FBN3: variants seen among roughly 807,000 people sequenced by gnomAD.
FBN3 encodes fibrillin 3.
A neutral mutation model predicts 330.1 loss-of-function variants in FBN3; 234 were observed. The ratio of observed to expected loss-of-function variants is 0.71; its 90% CI spans 0.64 to 0.79. The LOEUF (loss-of-function observed/expected upper bound fraction) is 0.79. Ranked by LOEUF, FBN3 falls within the 30% of genes least tolerant of loss-of-function variation. The pLI is 0.00. For missense variants in FBN3, 3,606 were observed against 3,886.9 expected, an observed-to-expected ratio of 0.93 and a Z score of 1.92; for synonymous variants, 1,458 against 1,517.3, an observed-to-expected ratio of 0.96 and a Z score of 0.91.
At chr19:8,089,768 C>G (rs2082051147) in intron 50 of FBN3, 98 bp from the exon 51 acceptor site, 11 of 1,569,558 alleles carry the variant, frequency 7.0e-6, no homozygotes, top group Non-Finnish European at 9.5e-6. Flanking sequence ...AGCCCAAGCC[C>G]CAGGCTGGCA....
chr19:8,094,626 C>T (rs1314353333), intron 46 of FBN3, 61 bp from the exon 47 acceptor site: 2 of 1,562,022 alleles, frequency 1.3e-6, no homozygotes, highest in Non-Finnish European at 1.7e-6. Flanking sequence ...TCACTTGGGA[C>T]TGGGACCAAC....
At chr19:8,108,271 G>A (rs73505658) in intron 36 of FBN3, 33 bp from the exon 37 acceptor site, 2 of 1,572,622 alleles carry the variant, frequency 1.3e-6, no homozygotes, top group Non-Finnish European at 1.7e-6. Flanking sequence ...GTGAGGTGGG[G>A]TATTGGGGCA....
chr19:8,146,177 A>G lies in FBN3; in HGVS notation c.299T>C (p.Leu100Pro), dbSNP rs780252780. 5.0e-6 allele frequency: 8 copies of G among 1,603,688 alleles called. No homozygotes were observed. The Admixed American group carries it at 1.0e-4, about 21-fold the overall frequency. Residue 100 changes from leucine to proline, a missense_variant, in exon 4 of 64, where the codon CTG (leucine) becomes CCG (proline). By Grantham distance (98) the Leu-to-Pro change is moderately conservative. Transcript: ENST00000600128. Reference protein sequence around the residue: ...CGEGFCSQPNLCTCADGTLAP... With the variant: ...CGEGFCSQPNPCTCADGTLAP... ...CAGCGTCCCATCCGCACAGGTGCAC[A>G]GGTTGGGCTGGGAGCAGAAGCCTTC...
intron 51 of FBN3, 106 bp from the exon 52 acceptor site, chr19:8,088,285 C>A: frequency 7.4e-7 from 1 of 1,355,538 alleles, no homozygotes. Flanking sequence ...GGGGCCAGAT[C>A]GAATGCACCT....
intron 27 of FBN3, 41 bp from the exon 28 acceptor site, chr19:8,117,332 G>A (rs2082728640): frequency 6.5e-7 from 1 of 1,549,938 alleles, no homozygotes; most frequent in Non-Finnish European, 8.7e-7. Flanking sequence ...GCTGGGGGGA[G>A]GGGTCCAGGA....
rs745729751 is a variant in FBN3, at chr19:8,123,882, G to A, written c.2858C>T (p.Ala953Val). 5 of 1,613,670 alleles carry A rather than the reference G, an allele frequency of 3.1e-6. No individual in the cohort carries two copies. Among genetic ancestry groups the A allele is most frequent in the Non-Finnish European group, 4.2e-6 (5 of 1,180,020 alleles). ...IGAVWGVECE[A>V]CPDPESLEFA... ...CTCCAGAGACTCGGGATCCGGGCAG[G>A]CCTCGCACTCGACTCCCCACACGGC... is the stretch of plus-strand genomic sequence containing the variant. Residue 953 changes from alanine (A) to valine (V), a missense_variant, in exon 23 of 64, where the codon GCC (alanine) becomes GTC (valine). By Grantham distance (64) the Ala-to-Val change is moderately conservative. Transcript: ENST00000600128.
In FBN3 at chr19:8,138,303, C is replaced by T. The variant is rs139630806; in HGVS notation, c.1039G>A (p.Ala347Thr). The T allele has an allele frequency of 3.5e-4, 569 of 1,613,142 alleles. 1 individual carries two copies. The African/African-American group carries it at 6.3e-3, about 18-fold the overall frequency. ...RGSNEFQQLC[A>T]QRLPLLPGHP... ...CCGGGTAGCAGCGGCAGCCGCTGGG[C>T]GCACAGTTGCTGGAATTCATCTGCA... Residue 347 changes from alanine (A) to threonine (T), a missense_variant, in exon 10 of 64, where the codon GCC (alanine) becomes ACC (threonine). By Grantham distance (58) the Ala-to-Thr change is moderately conservative (BLOSUM62 0). Coordinates refer to ENST00000600128, the MANE Select transcript of FBN3 (RefSeq NM_032447.5).
At position 8,131,682 on chromosome 19, in the gene FBN3, T is replaced by C; in HGVS notation, c.1862A>G (p.Tyr621Cys). 6.2e-7 allele frequency: 1 copy of C among 1,614,142 alleles called. No individual in the cohort carries two copies. Residue 621 changes from tyrosine to cysteine, a missense_variant, in exon 15 of 64, where the codon TAT becomes TGT. Transcript: ENST00000600128. The surrounding 1 kb of genome is among the most constrained non-coding windows in gnomAD (Gnocchi z 4.5). ...CVDTHVRSTC[Y>C]GAIEKGSCAR... ...ACAGGAGCCCTTCTCGATGGCCCCA[T>C]AGCAGGTGCTGCGCACGTGGGTGTC...
chr19:8,112,227 A>C, intron 30 of FBN3, 128 bp from the exon 31 acceptor site: 1 of 923,242 alleles, frequency 1.1e-6, no homozygotes. Context: ...CCTCCCATTC[A>C]CCTGGGGAGC....
chr19:8,083,054 A>G (rs1271954050), intron 57 of FBN3, among the ~76,000 whole-genome samples, 193 bp downstream of exon 57: 2 of 151,824 alleles, frequency 1.3e-5, no homozygotes, highest in Non-Finnish European at 2.9e-5. Context: ...TCCCACCTCG[A>G]CCTCCCAAAA....
At position 8,123,900 on chromosome 19, in the gene FBN3, C is replaced by T; in HGVS notation, c.2840G>A (p.Trp947Ter). Residue 947 changes from tryptophan (W) to a stop codon, truncating the protein, a stop_gained, in exon 23 of 64, where the codon TGG becomes TAG. Transcript: ENST00000600128. LOFTEE classifies it high-confidence loss of function. The stretch of plus-strand genomic sequence containing the variant: ...CGGGCAGGCCTCGCACTCGACTCCC[C>T]ACACGGCCCCGATGGAGCAGCAGCA... Reference protein sequence around the residue: ...DVCCCSIGAVWGVECEACPDP... With the variant: ...DVCCCSIGAV 1 of 1,613,990 alleles carries T rather than the reference C, an allele frequency of 6.2e-7. No individual in the cohort carries two copies. The highest frequency in any genetic ancestry group is 1.1e-5 in the South Asian group (1 of 91,078).
intron 3 of FBN3, among the ~76,000 whole-genome samples, chr19:8,146,891 G>GAGAC (rs1189444403): frequency 1.3e-5 from 2 of 152,202 alleles, no homozygotes; most frequent in Non-Finnish European, 2.9e-5. Flanking sequence ...GGGAACCAGA[G>GAGAC]AGACAGACAG....
chr19:8,070,539 A>G (rs1259310417), intron 63 of FBN3, among the ~76,000 whole-genome samples: 1 of 152,210 alleles, frequency 6.6e-6, no homozygotes, highest in Non-Finnish European at 1.5e-5. Context: ...TTGGGAAACA[A>G]TGTAAAGTGA....
At chr19:8,083,805 C>CTTTTCTTTTTTTTTTTT (rs766533055) in intron 56 of FBN3, among the ~76,000 whole-genome samples, 3 of 134,086 alleles carry the variant, frequency 2.2e-5, no homozygotes, top group Non-Finnish European at 4.8e-5. Context: ...ACTATTTTTT[C>CTTTTCTTTTTTTTTTTT]TTTTTTTTTT....
At chr19:8,132,032 C>T (rs971858637) in intron 14 of FBN3, among the ~76,000 whole-genome samples, 1 of 152,134 alleles carries the variant, frequency 6.6e-6, no homozygotes, top group African/African-American at 2.4e-5. Context: ...TATTCCCCAT[C>T]TTTCTATCTT....
At chr19:8,140,828 T>A (rs2083393223) in intron 8 of FBN3, among the ~76,000 whole-genome samples, 2 of 151,968 alleles carry the variant, frequency 1.3e-5, no homozygotes, top group South Asian at 4.2e-4. Flanking sequence ...CCCCCCGCAG[T>A]CCAGGGGATG....
At position 8,109,880 on chromosome 19, in the gene FBN3, G is replaced by A. The variant is rs568051786; in HGVS notation, c.4334-127C>T. 103 of 1,050,858 alleles carry A rather than the reference G, an allele frequency of 9.8e-5. No homozygotes were observed. In the African/African-American group the frequency reaches 1.5e-3, roughly 16 times the overall value. The allele number at this position is 1,050,858 out of a possible 1,614,324, so 65.1% of individuals were successfully genotyped here. A position where few individuals can be genotyped will look rare whatever the true frequency, so the allele number is the denominator to read the frequency against. On this transcript the variant is annotated intron_variant, in intron 34 of 63. Coordinates refer to ENST00000600128, the MANE Select transcript of FBN3 (RefSeq NM_032447.5). This position sits in a 1 kb window ranked among gnomAD's most constrained non-coding sequence, Gnocchi z 5.2. ...CCTGGGCACCAGATTGTGGGACAAT[G>A]TCATGTCCTTCCCTGGGAAGAAACC...
chr19:8,071,940 C>T, intron 63 of FBN3, 108 bp downstream of exon 63: 1 of 1,137,946 alleles, frequency 8.8e-7, no homozygotes, highest in East Asian at 2.6e-5. Context: ...GATCTGGAGC[C>T]TGGTGCTCCT....
intron 62 of FBN3, 129 bp from the exon 63 acceptor site, chr19:8,072,327 G>T: frequency 2.0e-6 from 2 of 991,306 alleles, no homozygotes; most frequent in Non-Finnish European, 2.9e-6. Flanking sequence ...ATGCCTCTGA[G>T]CATGTGCTGG....
Sources: allele counts gnomAD v4.1 joint callset (sites outside exome capture counted in the v4.1 genomes callset), GRCh38; gene constraint gnomAD v4.1.1; non-coding constraint Gnocchi (gnomAD v3.1); transcripts MANE v1.5; gene names NCBI Gene and HGNC (gene_info 2026-07-23, HGNC 2026-07-21).